GNL1: variants seen among roughly 807,000 people sequenced by gnomAD.
GNL1 encodes the protein guanine nucleotide-binding protein-like 1.
Under a neutral mutation model 75.2 loss-of-function variants are expected in GNL1, and 21 were observed. The ratio of observed to expected loss-of-function variants is 0.28; its 90% CI spans 0.20 to 0.40. The LOEUF (loss-of-function observed/expected upper bound fraction) is 0.40. GNL1 is among the 10% of genes least tolerant of loss of function. The pLI is 1.00. For missense variants in GNL1, 579 were observed against 775.0 expected (o/e 0.75, Z 3.00); for synonymous variants, 287 against 303.4 (o/e 0.95, Z 0.56).
intron 6 of GNL1, 45 bp downstream of exon 6, chr6:30,553,305 G>T: frequency 6.5e-7 from 1 of 1,532,676 alleles, no homozygotes; most frequent in Non-Finnish European, 9.0e-7. Context: ...TTTGTCCCCT[G>T]CCAACTCACC....
At position 30,555,005 on chromosome 6, in the gene GNL1, A is replaced by G; in HGVS notation, c.376+50T>C. On this transcript the variant is annotated intron_variant, in intron 3 of 11. Coordinates refer to ENST00000376621, the MANE Select transcript of GNL1 (RefSeq NM_005275.5). This position sits in a 1 kb window ranked among gnomAD's most constrained non-coding sequence, Gnocchi z 4.3. Reference sequence around the variant, plus strand: ...CCCTCCTTCCTCACAGTCGGCTTTTACCTTTCCAAACTCCTTCCCCAGCCC... The same window carrying G: ...CCCTCCTTCCTCACAGTCGGCTTTTGCCTTTCCAAACTCCTTCCCCAGCCC... 6.2e-7 allele frequency: 1 copy of G among 1,611,840 alleles called. No homozygotes were observed. The highest frequency in any genetic ancestry group is 8.5e-7 in the Non-Finnish European group (1 of 1,179,136).
chr6:30,555,764 G>A lies in GNL1; in HGVS notation c.74-44C>T, dbSNP rs1030242821. The A allele has an allele frequency of 1.3e-5, 21 of 1,593,844 alleles. No homozygotes were observed. The highest frequency in any genetic ancestry group is 1.7e-5 in the Non-Finnish European group (20 of 1,165,066). On this transcript the variant is annotated intron_variant, in intron 1 of 11. Coordinates refer to ENST00000376621, the MANE Select transcript of GNL1 (RefSeq NM_005275.5). This position sits in a 1 kb window ranked among gnomAD's most constrained non-coding sequence, Gnocchi z 4.3. ...GACGCCAGTGCTGGCCAGCTCTCAG[G>A]GGCCATAAGACCCTCTCCCCCATCG...
rs1800065772 is a variant in GNL1, at chr6:30,555,197, G to A, written c.240-6C>T. 13 of 1,612,912 alleles carry A rather than the reference G, an allele frequency of 8.1e-6. No homozygotes were observed. The highest frequency in any genetic ancestry group is 1.1e-5 in the Non-Finnish European group (13 of 1,179,998). Reference sequence around the variant, plus strand: ...TCTCAAAATGCAGTCGGTATCTAAGGGAACAGGGACCGAGACATCCAGAGC... The same window carrying A: ...TCTCAAAATGCAGTCGGTATCTAAGAGAACAGGGACCGAGACATCCAGAGC... On this transcript the variant is annotated splice_polypyrimidine_tract_variant and splice_region_variant and intron_variant, in intron 2 of 11. Transcript: ENST00000376621. This position sits in a 1 kb window ranked among gnomAD's most constrained non-coding sequence, Gnocchi z 4.3.
In GNL1 at chr6:30,552,187, G is replaced by A. The variant is rs1799825677; in HGVS notation, c.1099+280C>T. 1 of 445,778 alleles carries A rather than the reference G, an allele frequency of 2.2e-6. No homozygotes were observed. Among genetic ancestry groups the A allele is most frequent in the Non-Finnish European group, 4.0e-6 (1 of 250,712 alleles). The allele number at this position is 445,778 out of a possible 1,614,324, so 27.6% of individuals were successfully genotyped here. The stretch of plus-strand genomic sequence containing the variant: ...GGCCGTCATCCATTCTTTTACTCAG[G>A]TATCAATGTCCTTATTTTTAAAATC... On this transcript the variant is annotated intron_variant, in intron 8 of 11. Transcript: ENST00000376621. The surrounding 1 kb of genome is among the most constrained non-coding windows in gnomAD (Gnocchi z 4.5).
chr6:30,548,048 C>A lies in GNL1; in HGVS notation c.1100-518G>T, dbSNP rs147696882. On this transcript the variant is annotated intron_variant, in intron 8 of 11. Transcript: ENST00000376621. This position sits in a 1 kb window ranked among gnomAD's most constrained non-coding sequence, Gnocchi z 4.2. ...AAAATTAGCTGGGCGTGGTGGTGGG[C>A]GCCTGTAATTGCAGCTACTTGGGAG... is the stretch of plus-strand genomic sequence containing the variant. 1.3e-3 allele frequency among the ~76,000 whole-genome samples: 193 copies of A among 152,146 alleles called. No homozygotes were observed. The highest frequency in any genetic ancestry group is 4.4e-3 in the African/African-American group (183 of 41,492).
At position 30,552,338 on chromosome 6, in the gene GNL1, C is replaced by T. The variant is rs540555658; in HGVS notation, c.1099+129G>A. On this transcript the variant is annotated intron_variant, in intron 8 of 11. Coordinates refer to ENST00000376621, the MANE Select transcript of GNL1 (RefSeq NM_005275.5). This position sits in a 1 kb window ranked among gnomAD's most constrained non-coding sequence, Gnocchi z 4.5. ...CAGACGCCTCTTCTGCCTTGCCCACCGCCACTGGCAGAGATCACCCCTCAG... is the reference window on the plus strand; with the variant it reads ...CAGACGCCTCTTCTGCCTTGCCCACTGCCACTGGCAGAGATCACCCCTCAG... The T allele has an allele frequency of 1.6e-5, 11 of 705,924 alleles. No individual in the cohort carries two copies. In the East Asian group the frequency reaches 1.6e-4, roughly 10 times the overall value. The allele number at this position is 705,924 out of a possible 1,614,324, so 43.7% of individuals were successfully genotyped here. A position where few individuals can be genotyped will look rare whatever the true frequency, so the allele number is the denominator to read the frequency against.
chr6:30,546,869 G>T lies in GNL1; in HGVS notation c.1442-33C>A. 1.3e-6 allele frequency: 2 copies of T among 1,555,822 alleles called. No individual in the cohort carries two copies. The highest frequency in any genetic ancestry group is 1.8e-6 in the Non-Finnish European group (2 of 1,141,688). On this transcript the variant is annotated intron_variant, in intron 10 of 11. Transcript: ENST00000376621. This position sits in a 1 kb window ranked among gnomAD's most constrained non-coding sequence, Gnocchi z 5.1. ...AAGAAAAGAATAATGGAAAGGGAAA[G>T]CATTAACCAGGTACCAGTTATACTC...
chr6:30,546,183 G>T lies in GNL1; in HGVS notation c.1713C>A (p.Asp571Glu). Residue 571 changes from aspartate (D) to glutamate (E), a missense_variant, in exon 12 of 12, where the codon GAC becomes GAA. Asp to Glu is a conservative substitution (Grantham distance 45). Transcript: ENST00000376621. The surrounding 1 kb of genome is among the most constrained non-coding windows in gnomAD (Gnocchi z 5.1). ...SSSCEEEGEE[D>E]RDADEEGEGD... The stretch of plus-strand genomic sequence containing the variant: ...CTTCTCCCTCCTCATCCGCATCCCG[G>T]TCCTCCTCTCCCTCCTCCTCACAGG... 1 of 1,549,950 alleles carries T rather than the reference G, an allele frequency of 6.5e-7. No homozygotes were observed. The highest frequency in any genetic ancestry group is 8.8e-7 in the Non-Finnish European group (1 of 1,140,426).
Position 30,555,863 on chromosome 6 carries a change from C to A in GNL1, c.74-143G>T, listed in dbSNP as rs1489634934. The stretch of plus-strand genomic sequence containing the variant: ...CCAGACACCCTATTTGGGACCCTCC[C>A]GGATGTGCGTGGGGGGAGTCACTCC... On this transcript the variant is annotated intron_variant, in intron 1 of 11. Coordinates refer to ENST00000376621, the MANE Select transcript of GNL1 (RefSeq NM_005275.5). This position sits in a 1 kb window ranked among gnomAD's most constrained non-coding sequence, Gnocchi z 4.3. 1 of 949,470 alleles carries A rather than the reference C, an allele frequency of 1.1e-6. No homozygotes were observed. Among genetic ancestry groups the A allele is most frequent in the East Asian group, 2.6e-5 (1 of 38,100 alleles). The allele number at this position is 949,470 out of a possible 1,614,324, so 58.8% of individuals were successfully genotyped here. A position where few individuals can be genotyped will look rare whatever the true frequency, so the allele number is the denominator to read the frequency against.
chr6:30,553,985 A>G (rs1799972686), intron 5 of GNL1, among the ~76,000 whole-genome samples: 1 of 152,370 alleles, frequency 6.6e-6, no homozygotes, highest in South Asian at 2.1e-4. Context: ...GACTGTGAAC[A>G]TGTGTGCAAA....
rs780415331 is a variant in GNL1 at position 30,555,185 on chromosome 6, T to G, written c.246A>C (p.Arg82=). 3 of 1,612,958 alleles carry G rather than the reference T, an allele frequency of 1.9e-6. No individual in the cohort carries two copies. The Admixed American group carries it at 5.0e-5, about 27-fold the overall frequency. The change falls in exon 3 of 12, where the codon CGA becomes CGC. Residue 82 remains arginine (R), a synonymous_variant. Transcript: ENST00000376621. The surrounding 1 kb of genome is among the most constrained non-coding windows in gnomAD (Gnocchi z 4.3). The part of the protein sequence containing the change: ...GPRGYDPNRY[R]LHFERDSREE... ...CCCTGCTGTCTCTCTCAAAATGCAG[T>G]CGGTATCTAAGGGAACAGGGACCGA...
rs775667118 is a variant in GNL1 at position 30,552,427 on chromosome 6, C to T, written c.1099+40G>A. The T allele has an allele frequency of 2.0e-6, 3 of 1,537,572 alleles. No individual in the cohort carries two copies. Among genetic ancestry groups the T allele is most frequent in the Non-Finnish European group, 2.7e-6 (3 of 1,118,708 alleles). On this transcript the variant is annotated intron_variant, in intron 8 of 11. Coordinates refer to ENST00000376621, the MANE Select transcript of GNL1 (RefSeq NM_005275.5). The surrounding 1 kb of genome is among the most constrained non-coding windows in gnomAD (Gnocchi z 4.5). ...TTCTCCGAATATGAAAACTCTGTACCTCCTTGGAGGCCACCACGCACAAGC... is the reference window on the plus strand; with the variant it reads ...TTCTCCGAATATGAAAACTCTGTACTTCCTTGGAGGCCACCACGCACAAGC...
intron 8 of GNL1, among the ~76,000 whole-genome samples, chr6:30,551,399 G>A (rs1799769246): frequency 1.3e-5 from 2 of 152,174 alleles, no homozygotes; most frequent in Admixed American, 6.5e-5. Flanking sequence ...ATAAGTCAGG[G>A]CACTTCCAAG....
intron 8 of GNL1, among the ~76,000 whole-genome samples, chr6:30,551,180 C>T (rs1159045935): frequency 6.6e-6 from 1 of 152,110 alleles, no homozygotes; most frequent in African/African-American, 2.4e-5. Context: ...CTCAGGGGTG[C>T]CTGTGCCACA....
rs1337195811 is a variant in GNL1, at chr6:30,542,986, T to C, written c.*3086A>G. 6.6e-6 allele frequency: 1 copy of C among 152,336 alleles called. No homozygotes were observed. Among genetic ancestry groups the C allele is most frequent in the African/African-American group, 2.4e-5 (1 of 41,468 alleles). 9.4% of individuals were successfully genotyped at this position (152,336 alleles called of 1,614,324 possible). ...CTCTGCCTCTGAACAAGTTACAGTCTTCCAAAGTTGTCATGTTTCTTGACC... is the reference window on the plus strand; with the variant it reads ...CTCTGCCTCTGAACAAGTTACAGTCCTCCAAAGTTGTCATGTTTCTTGACC... On this transcript the variant is annotated 3_prime_UTR_variant, in exon 12 of 12. Transcript: ENST00000376621. This position sits in a 1 kb window ranked among gnomAD's most constrained non-coding sequence, Gnocchi z 4.5.
chr6:30,550,036 G>A (rs1799677794), intron 8 of GNL1, among the ~76,000 whole-genome samples: 1 of 152,044 alleles, frequency 6.6e-6, no homozygotes, highest in Admixed American at 6.6e-5. Flanking sequence ...ATGTTGGCCA[G>A]GCTGGTCTCA....
At position 30,552,248 on chromosome 6, in the gene GNL1, C is replaced by T. The variant is rs1178948662; in HGVS notation, c.1099+219G>A. ...AGACTCAGAGTAGCAAAATCACTTACTCAAGACCTCACAGCTGAGAAGAGG... is the reference window on the plus strand; with the variant it reads ...AGACTCAGAGTAGCAAAATCACTTATTCAAGACCTCACAGCTGAGAAGAGG... On this transcript the variant is annotated intron_variant, in intron 8 of 11. Coordinates refer to ENST00000376621, the MANE Select transcript of GNL1 (RefSeq NM_005275.5). This position sits in a 1 kb window ranked among gnomAD's most constrained non-coding sequence, Gnocchi z 4.5. The T allele has an allele frequency of 2.0e-6, 1 of 508,602 alleles. No homozygotes were observed. Among genetic ancestry groups the T allele is most frequent in the Non-Finnish European group, 3.5e-6 (1 of 286,598 alleles). 31.5% of individuals were successfully genotyped at this position (508,602 alleles called of 1,614,324 possible).
Position 30,552,628 on chromosome 6 carries a change from C to T in GNL1, c.938G>A (p.Arg313Gln), listed in dbSNP as rs142734504. 2.0e-5 allele frequency: 32 copies of T among 1,613,922 alleles called. No homozygotes were observed. Among genetic ancestry groups the T allele is most frequent in the African/African-American group, 1.1e-4 (8 of 75,028 alleles). ...DLSSWREKIA[R>Q]DVAGATWGNG... is the part of the protein sequence containing the mutation. Reference sequence around the variant, plus strand: ...ACCCCAGGTGGCCCCAGCCACATCCCGAGCAATCTTCTCCCGCCAGCTGCT... The same window carrying T: ...ACCCCAGGTGGCCCCAGCCACATCCTGAGCAATCTTCTCCCGCCAGCTGCT... Residue 313 changes from arginine (R) to glutamine (Q), a missense_variant, in exon 8 of 12, where the codon CGG becomes CAG. Coordinates refer to ENST00000376621, the MANE Select transcript of GNL1 (RefSeq NM_005275.5). This position sits in a 1 kb window ranked among gnomAD's most constrained non-coding sequence, Gnocchi z 4.5.
Position 30,556,138 on chromosome 6 carries a change from C to G in GNL1, c.66G>C (p.Arg22=), listed in dbSNP as rs770793208. The G allele has an allele frequency of 6.2e-7, 1 of 1,603,176 alleles. No homozygotes were observed. Residue 22 remains arginine, a synonymous_variant, in exon 1 of 12, where the codon CGG becomes CGC. Transcript: ENST00000376621. The surrounding 1 kb of genome is among the most constrained non-coding windows in gnomAD (Gnocchi z 5.7). ...KKKQLQDKRE[R]KRGLQDGLRS... is the part of the protein sequence containing the mutation. The stretch of plus-strand genomic sequence containing the variant: ...TCCCGCTCCCGCACTGACCTCTCTT[C>G]CGCTCCCGTTTGTCCTGCAACTGCT...
Sources: allele counts gnomAD v4.1 joint callset (sites outside exome capture counted in the v4.1 genomes callset), GRCh38; gene constraint gnomAD v4.1.1; non-coding constraint Gnocchi (gnomAD v3.1); transcripts MANE v1.5; gene names NCBI Gene and HGNC (gene_info 2026-07-23, HGNC 2026-07-21).